Variants in AGBL4 observed in about 807,000 individuals in gnomAD.
AGBL4 encodes AGBL carboxypeptidase 4, also known as cytosolic carboxypeptidase 6.
Under a neutral mutation model 66.4 loss-of-function variants are expected in AGBL4, and 58 were observed. That is an observed-to-expected ratio of 0.87 (90% CI 0.71 to 1.09). AGBL4 has a LOEUF of 1.09. Ranked by LOEUF, AGBL4 falls within the 50% of genes least tolerant of loss-of-function variation. AGBL4 has a pLI of 0.00. For missense variants in AGBL4, 579 were observed against 631.0 expected, an observed-to-expected ratio of 0.92 and a Z score of 0.88; for synonymous variants, 234 against 222.9, an observed-to-expected ratio of 1.05 and a Z score of -0.44.
chr1:49,316,563 G>T (rs528382377), intron 3 of AGBL4, among the ~76,000 whole-genome samples: 27 of 151,910 alleles, frequency 1.8e-4, no homozygotes, highest in African/African-American at 6.5e-4. Flanking sequence ...ACTATAAATT[G>T]TCATTACTCT....
intron 7 of AGBL4, among the ~76,000 whole-genome samples, chr1:48,655,171 T>C (rs1646000102): frequency 6.6e-6 from 1 of 152,198 alleles, no homozygotes; most frequent in African/African-American, 2.4e-5. Context: ...GACCAGAGGC[T>C]GCAGCTGCCC....
chr1:49,913,712 T>C (rs1004340565), intron 1 of AGBL4, among the ~76,000 whole-genome samples: 1 of 152,246 alleles, frequency 6.6e-6, no homozygotes. Flanking sequence ...GCAACATCCT[T>C]GGATATAGAG....
At chr1:48,612,528 A>G (rs1645254763) in intron 9 of AGBL4, among the ~76,000 whole-genome samples, 1 of 152,242 alleles carries the variant, frequency 6.6e-6, no homozygotes. Flanking sequence ...ACAGTCTTAC[A>G]GCCAAGGCCT....
At chr1:49,840,756 C>T (rs974573028) in intron 2 of AGBL4, among the ~76,000 whole-genome samples, 4 of 152,098 alleles carry the variant, frequency 2.6e-5, no homozygotes, top group Non-Finnish European at 4.4e-5. Context: ...ATCATATGAC[C>T]ATCTCAATAG....
At chr1:49,976,880 G>A (rs775487664) in intron 1 of AGBL4, among the ~76,000 whole-genome samples, 1 of 152,066 alleles carries the variant, frequency 6.6e-6, no homozygotes, top group Admixed American at 6.6e-5. Flanking sequence ...CCTCTAAATA[G>A]TATGTATCCA....
chr1:50,003,252 G>A (rs1660900510), intron 1 of AGBL4, among the ~76,000 whole-genome samples: 1 of 152,188 alleles, frequency 6.6e-6, no homozygotes, highest in Non-Finnish European at 1.5e-5. Context: ...AACAAGTTTT[G>A]CTTTTTGAAA....
chr1:48,855,777 G>T (rs771489102), intron 6 of AGBL4, among the ~76,000 whole-genome samples: 18 of 151,874 alleles, frequency 1.2e-4, no homozygotes, highest in Non-Finnish European at 2.5e-4. Flanking sequence ...TAAGGCTACA[G>T]ATAAAAATTG....
rs1454940097 is a variant in AGBL4 at position 48,728,174 on chromosome 1, A to G, written c.635-64933T>C. 8 of 779,112 alleles carry G rather than the reference A, an allele frequency of 1.0e-5. No individual in the cohort carries two copies. In the Admixed American group the frequency reaches 2.4e-4, roughly 24 times the overall value. 48.3% of individuals were successfully genotyped at this position (779,112 alleles called of 1,614,324 possible). A position where few individuals can be genotyped will look rare whatever the true frequency, so the allele number is the denominator to read the frequency against. ...CAGCTTATGTATCTGGCATAGCTAT[A>G]TTTTAAAATTTGCATCATAGAATGT... is the stretch of plus-strand genomic sequence containing the variant. On this transcript the variant is annotated intron_variant, in intron 6 of 13. Transcript: ENST00000371839.
chr1:48,578,476 A>G (rs141837170), intron 11 of AGBL4, among the ~76,000 whole-genome samples: 5 of 152,306 alleles, frequency 3.3e-5, no homozygotes, highest in African/African-American at 1.2e-4. Context: ...GAATCTTAAC[A>G]AAGCTTTGAC....
chr1:49,583,347 A>G (rs1644582977), intron 3 of AGBL4, among the ~76,000 whole-genome samples: 1 of 152,202 alleles, frequency 6.6e-6, no homozygotes. Flanking sequence ...TCCTATGTAC[A>G]TCTTCATCTG....
intron 4 of AGBL4, among the ~76,000 whole-genome samples, chr1:49,080,774 C>T (rs79866845): frequency 0.012 from 1,851 of 152,070 alleles, 36 homozygotes; most frequent in African/African-American, 0.043. Context: ...TTTTGTTCAC[C>T]GTAATACTTG....
intron 3 of AGBL4, among the ~76,000 whole-genome samples, chr1:49,451,627 T>C (rs1292378549): frequency 1.3e-5 from 2 of 151,948 alleles, no homozygotes; most frequent in Non-Finnish European, 2.9e-5. Context: ...CTGCAAACCC[T>C]GGTAGGAATA....
At chr1:49,692,274 A>G (rs1314553715) in intron 3 of AGBL4, among the ~76,000 whole-genome samples, 2 of 152,220 alleles carry the variant, frequency 1.3e-5, no homozygotes, top group Non-Finnish European at 2.9e-5. Context: ...AAAACGGCTC[A>G]TAAGTAAGAG....
intron 1 of AGBL4, among the ~76,000 whole-genome samples, chr1:49,950,662 A>T (rs1322204952): frequency 2.6e-5 from 4 of 151,850 alleles, no homozygotes. Flanking sequence ...GAAGAAAAAA[A>T]TAACAGTATG....
chr1:49,924,303 G>A (rs1302720465), intron 1 of AGBL4, among the ~76,000 whole-genome samples: 1 of 152,080 alleles, frequency 6.6e-6, no homozygotes, highest in Non-Finnish European at 1.5e-5. Flanking sequence ...ATGGAGAGTG[G>A]GAGGAGGGAG....
intron 3 of AGBL4, among the ~76,000 whole-genome samples, chr1:49,372,648 TTTC>T (rs2148556738): frequency 7.2e-6 from 1 of 139,474 alleles, no homozygotes; most frequent in East Asian, 2.0e-4. Flanking sequence ...TCTTTCTTTC[TTTC>T]TTTCTTTCTT....
intron 11 of AGBL4, among the ~76,000 whole-genome samples, chr1:48,540,680 C>T (rs1644052319): frequency 6.6e-6 from 1 of 152,150 alleles, no homozygotes; most frequent in African/African-American, 2.4e-5. Context: ...TATGTGTTTA[C>T]TCAGCTTAAT....
At chr1:49,043,710 T>C (rs917399163) in intron 5 of AGBL4, among the ~76,000 whole-genome samples, 2 of 152,170 alleles carry the variant, frequency 1.3e-5, no homozygotes, top group African/African-American at 4.8e-5. Flanking sequence ...GAAGATACCA[T>C]GAGAAGCACT....
intron 1 of AGBL4, among the ~76,000 whole-genome samples, chr1:49,861,984 C>T (rs1031740190): frequency 6.6e-6 from 1 of 152,106 alleles, no homozygotes; most frequent in South Asian, 2.1e-4. Flanking sequence ...GCCCAGACAC[C>T]AAAAAACATC....
Sources: allele counts gnomAD v4.1 joint callset (sites outside exome capture counted in the v4.1 genomes callset), GRCh38; gene constraint gnomAD v4.1.1; transcripts MANE v1.5; gene names NCBI Gene and HGNC (gene_info 2026-07-23, HGNC 2026-07-21).